Variants in CRYL1 observed in about 807,000 individuals in gnomAD.
CRYL1 encodes lambda-crystallin homolog.
A neutral mutation model predicts 36.6 loss-of-function variants in CRYL1; 29 were observed. The observed-to-expected ratio is 0.79, with a 90% CI of 0.59 to 1.08. The LOEUF (loss-of-function observed/expected upper bound fraction) is 1.08. Ranked by LOEUF, CRYL1 falls within the 50% of genes least tolerant of loss-of-function variation. The pLI is 0.00. For synonymous variants in CRYL1, 152 were observed against 151.5 expected, an observed-to-expected ratio of 1.00 and a Z score of -0.02; for missense variants, 411 against 407.9, an observed-to-expected ratio of 1.01 and a Z score of -0.06.
chr13:20,429,666 G>A (rs755011961), intron 5 of CRYL1, among the ~76,000 whole-genome samples: 11 of 152,126 alleles, frequency 7.2e-5, no homozygotes, highest in East Asian at 5.8e-4. Flanking sequence ...GTTCTGCCGC[G>A]CAGCCCCAGA....
At chr13:20,502,101 C>T (rs542936919) in intron 2 of CRYL1, among the ~76,000 whole-genome samples, 2 of 152,264 alleles carry the variant, frequency 1.3e-5, no homozygotes, top group African/African-American at 4.8e-5. Context: ...AAAAATCTGG[C>T]ATGCCTATCT....
chr13:20,427,318 C>T (rs1472638126), intron 5 of CRYL1: 1 of 985,212 alleles, frequency 1.0e-6, no homozygotes, highest in Non-Finnish European at 1.2e-6. Context: ...GGAAGAGAAA[C>T]AAAACGGAGT....
chr13:20,439,528 A>AT, intron 4 of CRYL1, 65 bp downstream of exon 4: 2 of 1,024,978 alleles, frequency 2.0e-6, no homozygotes, highest in Non-Finnish European at 2.7e-6. Flanking sequence ...AAAAAAAAAA[A>AT]AAGAAAAAAA....
At chr13:20,459,235 CAAAAAAAAA>C (rs61255031) in intron 3 of CRYL1, among the ~76,000 whole-genome samples, 2 of 78,422 alleles carry the variant, frequency 2.6e-5, no homozygotes, top group South Asian at 5.1e-4. Flanking sequence ...GACTCCATCT[CAAAAAAAAA>C]AAAAAAAAAA....
intron 3 of CRYL1, among the ~76,000 whole-genome samples, chr13:20,450,614 GA>G (rs2032550378): frequency 6.6e-6 from 1 of 152,184 alleles, no homozygotes; most frequent in South Asian, 2.1e-4. Flanking sequence ...CTGTTGGTGG[GA>G]CTGTAAACTA....
At chr13:20,523,765 C>T (rs1397587206) in intron 1 of CRYL1, among the ~76,000 whole-genome samples, 1 of 151,972 alleles carries the variant, frequency 6.6e-6, no homozygotes, top group Non-Finnish European at 1.5e-5. Context: ...AAGCAGAGGC[C>T]CCAGAGAATT....
chr13:20,469,561 C>A (rs1469883000), intron 3 of CRYL1, among the ~76,000 whole-genome samples: 1 of 152,162 alleles, frequency 6.6e-6, no homozygotes, highest in Non-Finnish European at 1.5e-5. Flanking sequence ...GGGAGGGACT[C>A]GGGGTTCAAT....
chr13:20,475,207 C>T (rs539425682), intron 3 of CRYL1, among the ~76,000 whole-genome samples: 30 of 152,258 alleles, frequency 2.0e-4, no homozygotes, highest in African/African-American at 7.0e-4. Flanking sequence ...GGAAGAGGGC[C>T]TCCCCGCATT....
In CRYL1 at chr13:20,415,878, T is replaced by A. The variant is rs2031650212; in HGVS notation, c.634-2491A>T. Among the ~76,000 whole-genome samples, 1 of 152,214 alleles carries A rather than the reference T, an allele frequency of 6.6e-6. No homozygotes were observed. The highest frequency in any genetic ancestry group is 1.5e-5 in the Non-Finnish European group (1 of 68,022). Reference sequence around the variant, plus strand: ...TTCTTTCGTGACTTGTCTCTCACCATCCTGTTTCTCAGATTCACCTGCGTC... The same window carrying A: ...TTCTTTCGTGACTTGTCTCTCACCAACCTGTTTCTCAGATTCACCTGCGTC... On this transcript the variant is annotated intron_variant, in intron 5 of 7. Coordinates refer to ENST00000298248, the MANE Select transcript of CRYL1 (RefSeq NM_015974.3). The surrounding 1 kb of genome is among the most constrained non-coding windows in gnomAD (Gnocchi z 4.1).
At chr13:20,512,791 C>A (rs2033937902) in intron 1 of CRYL1, among the ~76,000 whole-genome samples, 1 of 152,036 alleles carries the variant, frequency 6.6e-6, no homozygotes, top group Admixed American at 6.6e-5. Context: ...TTAACAGAGG[C>A]TGGACGGGGG....
intron 2 of CRYL1, among the ~76,000 whole-genome samples, chr13:20,511,550 C>A (rs1167400716): frequency 3.3e-5 from 5 of 152,150 alleles, no homozygotes. Context: ...TAACACTATA[C>A]CCTACATATT....
At position 20,421,022 on chromosome 13, in the gene CRYL1, T is replaced by C. The variant is rs530016181; in HGVS notation, c.634-7635A>G. Among the ~76,000 whole-genome samples, 3 of 151,050 alleles carry C rather than the reference T, an allele frequency of 2.0e-5. 1 individual carries two copies. In the South Asian group the frequency reaches 6.3e-4, roughly 32 times the overall value. ...TCCTGGGATTACAGGCGTGAGCCAC[T>C]GCGCCCAGCCTAAAATAGAGCTTTT... On this transcript the variant is annotated intron_variant, in intron 5 of 7. Coordinates refer to ENST00000298248, the MANE Select transcript of CRYL1 (RefSeq NM_015974.3).
chr13:20,413,556 G>T (rs1414225630), intron 5 of CRYL1, among the ~76,000 whole-genome samples, 169 bp from the exon 6 acceptor site: 1 of 152,184 alleles, frequency 6.6e-6, no homozygotes, highest in Non-Finnish European at 1.5e-5. Context: ...GTTTTGGATG[G>T]CTGATATTTT....
intron 3 of CRYL1, among the ~76,000 whole-genome samples, chr13:20,485,081 C>CTG (rs2033368479): frequency 2.6e-5 from 4 of 152,044 alleles, no homozygotes; most frequent in Non-Finnish European, 5.9e-5. Context: ...GCAGTGGCTC[C>CTG]ATCTCGGCTC....
intron 2 of CRYL1, among the ~76,000 whole-genome samples, chr13:20,505,684 G>T (rs1333124300): frequency 1.3e-5 from 2 of 152,176 alleles, no homozygotes; most frequent in African/African-American, 2.4e-5. Flanking sequence ...GACCTACAGT[G>T]GTAGACAAAG....
At chr13:20,431,272 A>G (rs2032053044) in intron 5 of CRYL1, 2 of 985,282 alleles carry the variant, frequency 2.0e-6, no homozygotes, top group Admixed American at 1.2e-4. Flanking sequence ...GGAACTGTGG[A>G]GCCAGGTGCA....
At chr13:20,451,972 C>T (rs1231106867) in intron 3 of CRYL1, among the ~76,000 whole-genome samples, 1 of 152,016 alleles carries the variant, frequency 6.6e-6, no homozygotes, top group Non-Finnish European at 1.5e-5. Context: ...AAGAAAATCA[C>T]ATCATTTACA....
At position 20,507,722 on chromosome 13, in the gene CRYL1, T is replaced by C. The variant is rs189015583; in HGVS notation, c.149+4721A>G. Among the ~76,000 whole-genome samples the C allele has an allele frequency of 2.4e-4, 36 of 151,728 alleles. No individual in the cohort carries two copies. The East Asian group carries it at 4.9e-3, about 21-fold the overall frequency. ...TCACAAGGTCAGGAGATCGAGACCATCCTGGCTAACACAGTGAAACCCCGT... is the reference window on the plus strand; with the variant it reads ...TCACAAGGTCAGGAGATCGAGACCACCCTGGCTAACACAGTGAAACCCCGT... On this transcript the variant is annotated intron_variant, in intron 2 of 7. Transcript: ENST00000298248.
At chr13:20,514,912 CAA>C (rs34317918) in intron 1 of CRYL1, among the ~76,000 whole-genome samples, 2 of 151,660 alleles carry the variant, frequency 1.3e-5, no homozygotes, top group South Asian at 4.2e-4. Flanking sequence ...AACATGTCCA[CAA>C]AAAAACTTGT....
Sources: allele counts gnomAD v4.1 joint callset (sites outside exome capture counted in the v4.1 genomes callset), GRCh38; gene constraint gnomAD v4.1.1; non-coding constraint Gnocchi (gnomAD v3.1); transcripts MANE v1.5; gene names NCBI Gene and HGNC (gene_info 2026-07-23, HGNC 2026-07-21).